Variants in RORA observed in about 807,000 individuals in gnomAD.
The protein encoded by RORA is nuclear receptor ROR-alpha.
Under a neutral mutation model 69.5 loss-of-function variants are expected in RORA, and 7 were observed. The observed-to-expected ratio is 0.10, with a 90% confidence interval of 0.06 to 0.19. The LOEUF is 0.19. Ranked by LOEUF, RORA falls within the 10% of genes least tolerant of loss-of-function variation. The probability of loss-of-function intolerance (pLI) is 1.00; values close to 1 mark genes in which losing one functional copy is unlikely to be tolerated. For synonymous variants in RORA, 261 were observed against 240.8 expected (o/e 1.08, Z -0.78); for missense variants, 457 against 663.0 (o/e 0.69, Z 3.41).
rs1425384547 is a variant in RORA at position 60,492,078 on chromosome 15, TACC to T, written c.*5374_*5376del. 2 of 152,234 alleles carry T rather than the reference TACC, an allele frequency of 1.3e-5. No homozygotes were observed. Among genetic ancestry groups the T allele is most frequent in the Admixed American group, 1.3e-4 (2 of 15,280 alleles). The allele number at this position is 152,234 out of a possible 1,614,324, so 9.4% of individuals were successfully genotyped here. A position where few individuals can be genotyped will look rare whatever the true frequency, so the allele number is the denominator to read the frequency against. On this transcript the variant is annotated 3_prime_UTR_variant, in exon 11 of 11. Coordinates refer to ENST00000335670, the MANE Select transcript of RORA (RefSeq NM_134261.3). ...AATACACATAGAGAGGAGAGATTTC[TACC>T]ATTTTCCATATTCTTTATTATCAAA...
In RORA at chr15:61,135,385, T is replaced by C. The variant is rs143527604; in HGVS notation, c.166+93668A>G. Among the ~76,000 whole-genome samples the C allele has an allele frequency of 2.7e-3, 412 of 151,876 alleles. 2 individuals are homozygous for C. Among genetic ancestry groups the C allele is most frequent in the African/African-American group, 9.4e-3 (391 of 41,480 alleles). ...TAAATGTTTGCTTTAACAAAACTTTTGTATTATGTGTTCCTACCATAACTT... is the reference window on the plus strand; with the variant it reads ...TAAATGTTTGCTTTAACAAAACTTTCGTATTATGTGTTCCTACCATAACTT... On this transcript the variant is annotated intron_variant, in intron 1 of 10. Transcript: ENST00000335670.
intron 2 of RORA, among the ~76,000 whole-genome samples, chr15:60,662,792 T>G (rs1458724344): frequency 1.3e-5 from 2 of 152,282 alleles, no homozygotes; most frequent in African/African-American, 4.8e-5. Flanking sequence ...AAAAGCTAGA[T>G]TTCTTGTCCA....
chr15:60,645,688 C>T (rs2070028412), intron 2 of RORA, among the ~76,000 whole-genome samples: 1 of 152,060 alleles, frequency 6.6e-6, no homozygotes, highest in African/African-American at 2.4e-5. Flanking sequence ...CCAAGGTGAC[C>T]AATTTCCTTA....
intron 1 of RORA, among the ~76,000 whole-genome samples, chr15:61,214,965 T>C (rs12443296): frequency 0.76 from 110,594 of 144,708 alleles, 43,069 homozygotes; most frequent in East Asian, 0.99. Context: ...CCTGGGTTCA[T>C]GCCATTCTCC....
chr15:61,217,720 T>G (rs953497293), intron 1 of RORA, among the ~76,000 whole-genome samples: 1 of 152,078 alleles, frequency 6.6e-6, no homozygotes, highest in African/African-American at 2.4e-5. Context: ...AATGAAAGAA[T>G]GCCACCCTTG....
intron 1 of RORA, among the ~76,000 whole-genome samples, chr15:61,169,754 G>T (rs2079569476): frequency 6.9e-6 from 1 of 145,634 alleles, no homozygotes; most frequent in Non-Finnish European, 1.5e-5. Flanking sequence ...CCCAGCAACT[G>T]TCTTCCTTAC....
At chr15:61,002,378 A>G (rs1010172825) in intron 1 of RORA, among the ~76,000 whole-genome samples, 2 of 152,204 alleles carry the variant, frequency 1.3e-5, no homozygotes, top group Non-Finnish European at 2.9e-5. Flanking sequence ...CTGTGATATC[A>G]TCAGCCATAT....
intron 1 of RORA, among the ~76,000 whole-genome samples, chr15:60,691,710 C>T (rs759561042): frequency 6.6e-6 from 1 of 152,090 alleles, no homozygotes; most frequent in South Asian, 2.1e-4. Flanking sequence ...GTCAGGCAAT[C>T]AATAGAAAAG....
chr15:61,147,794 T>TGTGTGTGTGTGTGTGA lies in RORA; in HGVS notation c.166+81258_166+81259insTCACACACACACACAC, dbSNP rs1491148975. Among the ~76,000 whole-genome samples, 6 of 151,056 alleles carry TGTGTGTGTGTGTGTGA rather than the reference T, an allele frequency of 4.0e-5. No individual in the cohort carries two copies. Among genetic ancestry groups the TGTGTGTGTGTGTGTGA allele is most frequent in the Admixed American group, 6.6e-5 (1 of 15,084 alleles). The stretch of plus-strand genomic sequence containing the variant: ...GTGTGTGTGTGTGTGTGTGTGTGTG[T>TGTGTGTGTGTGTGTGA]GAAATCTTTAGGTTTTTTTACCTGC... On this transcript the variant is annotated intron_variant, in intron 1 of 10. Transcript: ENST00000335670. This position sits in a 1 kb window ranked among gnomAD's most constrained non-coding sequence, Gnocchi z 4.1.
In RORA at chr15:61,198,470, T is replaced by C. The variant is rs77622015; in HGVS notation, c.166+30583A>G. ...GGAATGAGCAATACCAGCCGCAGAA[T>C]TGTACTAGGAGGATATGCCAACAAA... On this transcript the variant is annotated intron_variant, in intron 1 of 10. Coordinates refer to ENST00000335670, the MANE Select transcript of RORA (RefSeq NM_134261.3). Among the ~76,000 whole-genome samples the C allele has an allele frequency of 1.8e-3, 267 of 152,246 alleles. 5 individuals carry two copies. The East Asian group carries it at 0.044, about 25-fold the overall frequency.
At chr15:61,180,964 T>A (rs2079679367) in intron 1 of RORA, among the ~76,000 whole-genome samples, 1 of 151,848 alleles carries the variant, frequency 6.6e-6, no homozygotes, top group Non-Finnish European at 1.5e-5. Flanking sequence ...ATTATCTGGG[T>A]GTGGTGGTGT....
chr15:61,222,996 A>G (rs1469393611), intron 1 of RORA, among the ~76,000 whole-genome samples: 1 of 152,168 alleles, frequency 6.6e-6, no homozygotes, highest in Admixed American at 6.5e-5. Flanking sequence ...ACTTGAAAAT[A>G]TAATATCCTT....
intron 2 of RORA, among the ~76,000 whole-genome samples, chr15:60,576,905 C>T (rs1319033168): frequency 6.6e-6 from 1 of 152,152 alleles, no homozygotes; most frequent in Non-Finnish European, 1.5e-5. Context: ...GCTTTTTCCT[C>T]CACACCAGCC....
At chr15:61,045,639 C>G (rs1896983301) in intron 1 of RORA, among the ~76,000 whole-genome samples, 1 of 152,034 alleles carries the variant, frequency 6.6e-6, no homozygotes, top group East Asian at 1.9e-4. Context: ...AGAAGAAGAC[C>G]CTAGAACAGG....
At chr15:60,924,702 G>A (rs1435268565) in intron 1 of RORA, among the ~76,000 whole-genome samples, 1 of 152,206 alleles carries the variant, frequency 6.6e-6, no homozygotes, top group African/African-American at 2.4e-5. Context: ...GCCAGGCCAT[G>A]TGGTGGAAAT....
chr15:60,975,923 T>C (rs59507824), intron 1 of RORA, among the ~76,000 whole-genome samples: 1 of 152,076 alleles, frequency 6.6e-6, no homozygotes, highest in Non-Finnish European at 1.5e-5. Flanking sequence ...CATTTGCATT[T>C]TGTGAGGTTT....
chr15:60,840,739 G>A (rs1033250975), intron 1 of RORA, among the ~76,000 whole-genome samples: 1 of 152,220 alleles, frequency 6.6e-6, no homozygotes, highest in Non-Finnish European at 1.5e-5. Context: ...CAGGAATGGG[G>A]GGCTTAGCTT....
At chr15:60,788,760 G>A (rs1174001625) in intron 1 of RORA, among the ~76,000 whole-genome samples, 1 of 152,060 alleles carries the variant, frequency 6.6e-6, no homozygotes, top group Non-Finnish European at 1.5e-5. Flanking sequence ...CCACACCCAC[G>A]GCCCATCCAA....
At chr15:61,028,387 A>C (rs2099596962) in intron 1 of RORA, among the ~76,000 whole-genome samples, 1 of 152,220 alleles carries the variant, frequency 6.6e-6, no homozygotes, top group South Asian at 2.1e-4. Flanking sequence ...GTAGACTGCC[A>C]GAAACAATCT....
Sources: allele counts gnomAD v4.1 joint callset (sites outside exome capture counted in the v4.1 genomes callset), GRCh38; gene constraint gnomAD v4.1.1; non-coding constraint Gnocchi (gnomAD v3.1); transcripts MANE v1.5; gene names NCBI Gene and HGNC (gene_info 2026-07-23, HGNC 2026-07-21).